The following NTMT1 variants were observed in gnomAD, a reference collection of about 807,000 sequenced individuals.
NTMT1 encodes N-terminal RCC1 methyltransferase.
A neutral mutation model predicts 17.5 loss-of-function variants in NTMT1; 8 were observed. That is an observed-to-expected ratio of 0.46 (90% CI 0.27 to 0.82). The LOEUF (loss-of-function observed/expected upper bound fraction) is 0.82, where lower values mean the gene tolerates loss of function less well. NTMT1 is among the 40% of genes least tolerant of loss of function. The probability of loss-of-function intolerance (pLI) is 0.15; values close to 1 mark genes in which losing one functional copy is unlikely to be tolerated. For missense variants in NTMT1, 221 were observed against 303.5 expected (o/e 0.73, Z 2.02); for synonymous variants, 128 against 126.8 (o/e 1.01, Z -0.06).
Position 129,620,711 on chromosome 9 carries a change from G to T in NTMT1, c.-55+11533G>T. On this transcript the variant is annotated intron_variant, in intron 1 of 3. Coordinates refer to the NTMT1 transcript ENST00000372486. This position sits in a 1 kb window ranked among gnomAD's most constrained non-coding sequence, Gnocchi z 5.8. ...GCGCGGTGCGGGGTGAACGCCACCG[G>T]CCCGGCGGACAGCGAGTGGCTTCAG... 1.3e-6 allele frequency: 1 copy of T among 767,788 alleles called. No homozygotes were observed. The highest frequency in any genetic ancestry group is 1.8e-6 in the Non-Finnish European group (1 of 565,088). 47.6% of individuals were successfully genotyped at this position (767,788 alleles called of 1,614,324 possible). A position where few individuals can be genotyped will look rare whatever the true frequency, so the allele number is the denominator to read the frequency against.
At chr9:129,630,106 C>T (rs1453176882) in intron 1 of NTMT1, among the ~76,000 whole-genome samples, 1 of 152,184 alleles carries the variant, frequency 6.6e-6, no homozygotes, top group Non-Finnish European at 1.5e-5. Context: ...CTGGAAAGTT[C>T]CTTCTCTTTC....
At chr9:129,616,440 G>A (rs1464800869) in intron 1 of NTMT1, among the ~76,000 whole-genome samples, 5 of 152,014 alleles carry the variant, frequency 3.3e-5, no homozygotes, top group East Asian at 3.9e-4. Flanking sequence ...GGTCCCGAAC[G>A]CCTGACCTCA....
chr9:129,621,064 A>T lies in NTMT1; in HGVS notation c.-54-11586A>T, dbSNP rs77690740. Among the ~76,000 whole-genome samples, 444 of 152,390 alleles carry T rather than the reference A, an allele frequency of 2.9e-3. 15 individuals are homozygous for T. The East Asian group carries it at 0.065, about 22-fold the overall frequency. ...ATAATAGCAGCACCTGCCTCTCTGC[A>T]GCCGTGAAACGGCATCACCGCATCA... On this transcript the variant is annotated intron_variant, in intron 1 of 3. Coordinates refer to the NTMT1 transcript ENST00000372486.
intron 1 of NTMT1, among the ~76,000 whole-genome samples, chr9:129,630,412 G>T (rs887206730): frequency 6.6e-6 from 1 of 152,136 alleles, no homozygotes; most frequent in East Asian, 1.9e-4. Context: ...CAAGTCTGGC[G>T]ACAGTGAGAC....
At chr9:129,616,340 C>T (rs186225580) in intron 1 of NTMT1, among the ~76,000 whole-genome samples, 47 of 152,258 alleles carry the variant, frequency 3.1e-4, no homozygotes, top group Non-Finnish European at 2.9e-5. Flanking sequence ...CTCAGCCTCC[C>T]GAGTAGCTGG....
At position 129,635,402 on chromosome 9, in the gene NTMT1, G is replaced by A. The variant is rs141570249; in HGVS notation, c.610G>A (p.Glu204Lys). The change falls in exon 4 of 4, where the codon GAG becomes AAG. Residue 204 changes from glutamate (E) to lysine (K), a missense_variant. Coordinates refer to ENST00000372483, the MANE Select transcript of NTMT1 (RefSeq NM_014064.4). ...ICSAGLSLLA[E>K]ERQENLPDEI... ...CAGTGCAGGCCTCAGCCTCCTGGCCGAGGAGAGGCAGGAGAACCTCCCCGA... is the reference window on the plus strand; with the variant it reads ...CAGTGCAGGCCTCAGCCTCCTGGCCAAGGAGAGGCAGGAGAACCTCCCCGA... 3.7e-6 allele frequency: 6 copies of A among 1,613,504 alleles called. No individual in the cohort carries two copies. Among genetic ancestry groups the A allele is most frequent in the South Asian group, 1.1e-5 (1 of 91,088 alleles).
intron 1 of NTMT1, among the ~76,000 whole-genome samples, chr9:129,609,544 C>CCCCCACCCCAAA (rs1830066333): frequency 6.6e-6 from 1 of 151,344 alleles, no homozygotes; most frequent in Non-Finnish European, 1.5e-5. Flanking sequence ...AGGGGCAGCC[C>CCCCCACCCCAAA]CCCCACCCCA....
chr9:129,610,310 C>CCA lies in NTMT1; in HGVS notation c.-55+1132_-55+1133insCA, dbSNP rs1410823460. Among the ~76,000 whole-genome samples the CCA allele has an allele frequency of 1.3e-4, 19 of 149,164 alleles. No homozygotes were observed. The East Asian group carries it at 3.3e-3, about 26-fold the overall frequency. On this transcript the variant is annotated intron_variant, in intron 1 of 3. Transcript: ENST00000372486. ...CTCCCTGCAGGCCCCGCCCCCCCCC[C>CCA]ACCGGCGTGGTGCCCCCGGCGCGAG... is the stretch of plus-strand genomic sequence containing the variant.
chr9:129,618,681 A>T (rs144276725), intron 1 of NTMT1, among the ~76,000 whole-genome samples: 2,775 of 150,654 alleles, frequency 0.018, 72 homozygotes, highest in East Asian at 0.065. Context: ...TTTTTTATTT[A>T]TTTTATTTTA....
At chr9:129,633,136 T>G in intron 2 of NTMT1, 1 of 487,668 alleles carries the variant, frequency 2.1e-6, no homozygotes, top group Non-Finnish European at 3.6e-6. Flanking sequence ...ACTGTTGGGT[T>G]TTGCCAGGGA....
At position 129,620,509 on chromosome 9, in the gene NTMT1, T is replaced by C; in HGVS notation, c.-55+11331T>C. 1.4e-6 allele frequency: 2 copies of C among 1,436,132 alleles called. No homozygotes were observed. Among genetic ancestry groups the C allele is most frequent in the Non-Finnish European group, 1.8e-6 (2 of 1,092,696 alleles). The allele number at this position is 1,436,132 out of a possible 1,614,324, so 89.0% of individuals were successfully genotyped here. On this transcript the variant is annotated intron_variant, in intron 1 of 3. Coordinates refer to the NTMT1 transcript ENST00000372486. This position sits in a 1 kb window ranked among gnomAD's most constrained non-coding sequence, Gnocchi z 5.8. ...GCGGGTCGCTGCTGCGTCGGAAGTC[T>C]CCGTCGCCAGGGAGCCCCTTGGGCG...
At chr9:129,634,363 C>A in intron 3 of NTMT1, 57 bp downstream of exon 3, 1 of 1,539,658 alleles carries the variant, frequency 6.5e-7, no homozygotes, top group Admixed American at 1.9e-5. Context: ...ACTCGCGTTC[C>A]CCATAAGGTG....
chr9:129,635,570 C>T lies in NTMT1; in HGVS notation c.*106C>T. ...TGGCGGTTCGTGAGTGTCGAGGCAC[C>T]ACTAAATATAGCTGTCTGCCGTCCA... On this transcript the variant is annotated 3_prime_UTR_variant, in exon 4 of 4. Coordinates refer to ENST00000372483, the MANE Select transcript of NTMT1 (RefSeq NM_014064.4). 7.6e-7 allele frequency: 1 copy of T among 1,316,882 alleles called. No homozygotes were observed. Among genetic ancestry groups the T allele is most frequent in the Non-Finnish European group, 1.0e-6 (1 of 956,432 alleles). 81.6% of individuals were successfully genotyped at this position (1,316,882 alleles called of 1,614,324 possible).
At chr9:129,611,245 G>A (rs1322721091) in intron 1 of NTMT1, among the ~76,000 whole-genome samples, 1 of 152,226 alleles carries the variant, frequency 6.6e-6, no homozygotes, top group Non-Finnish European at 1.5e-5. Flanking sequence ...CGGCCAGGAG[G>A]TGGCGAGAAA....
intron 1 of NTMT1, among the ~76,000 whole-genome samples, chr9:129,610,450 G>T (rs148487037): frequency 3.5e-4 from 53 of 152,120 alleles, no homozygotes; most frequent in Non-Finnish European, 6.8e-4. Context: ...GCAATTTTGG[G>T]CTGAACAACA....
Position 129,634,233 on chromosome 9 carries a change from C to A in NTMT1, c.342C>A (p.Tyr114Ter). The A allele has an allele frequency of 6.2e-7, 1 of 1,614,114 alleles. No homozygotes were observed. The highest frequency in any genetic ancestry group is 8.5e-7 in the Non-Finnish European group (1 of 1,180,006). Residue 114 changes from tyrosine (Y) to a stop codon, truncating the protein, a stop_gained, in exon 3 of 4, where the codon TAC becomes TAA. Coordinates refer to ENST00000372483, the MANE Select transcript of NTMT1 (RefSeq NM_014064.4). LOFTEE classifies it high-confidence loss of function. ...AGGAGGGCAAGAGGGTGAGGAACTA[C>A]TTCTGTTGTGGGCTCCAGGACTTCA... ...LGEEGKRVRN[Y>*]FCCGLQDFTP...
rs751083908 is a variant in NTMT1, at chr9:129,614,075, C to T, written c.-55+4897C>T. ...CACGTCTCCTGGGCACCCTGCTGCC[C>T]GGGACACCATGATAGCTCCTTATGG... On this transcript the variant is annotated intron_variant, in intron 1 of 3. Coordinates refer to the NTMT1 transcript ENST00000372486. This position sits in a 1 kb window ranked among gnomAD's most constrained non-coding sequence, Gnocchi z 4.4. 6.6e-6 allele frequency among the ~76,000 whole-genome samples: 1 copy of T among 152,162 alleles called. No individual in the cohort carries two copies.
chr9:129,624,185 A>T (rs951619475), upstream of NTMT1, among the ~76,000 whole-genome samples: 4 of 152,172 alleles, frequency 2.6e-5, no homozygotes, highest in African/African-American at 9.7e-5. Flanking sequence ...GAATTCAGAG[A>T]TGCCAGAGGC....
Position 129,613,090 on chromosome 9 carries a change from C to T in NTMT1, c.-55+3912C>T. ...GCTCACCAGCTTCTAGGTCCAGGAG[C>T]AAGACCATTTGCCCACCTGCTCCAG... is the stretch of plus-strand genomic sequence containing the variant. On this transcript the variant is annotated intron_variant, in intron 1 of 3. Coordinates refer to the NTMT1 transcript ENST00000372486. This position sits in a 1 kb window ranked among gnomAD's most constrained non-coding sequence, Gnocchi z 6.2. The T allele has an allele frequency of 6.2e-7, 1 of 1,613,538 alleles. No individual in the cohort carries two copies. Among genetic ancestry groups the T allele is most frequent in the Non-Finnish European group, 8.5e-7 (1 of 1,179,984 alleles).
Sources: gnomAD v4.1 joint callset for allele counts (sites outside exome capture counted in the v4.1 genomes callset) on GRCh38, gnomAD v4.1.1 for gene constraint, Gnocchi (gnomAD v3.1) non-coding constraint, MANE v1.5 for transcripts, NCBI Gene and HGNC (gene_info 2026-07-23, HGNC 2026-07-21) for gene names.